Variants in SMIM14 observed in about 807,000 individuals in gnomAD.
SMIM14 encodes the protein small integral membrane protein 14.
SMIM14 carries 5 observed loss-of-function variants against 12.6 expected under a neutral mutation model. The observed-to-expected ratio is 0.40, with a 90% CI of 0.21 to 0.83. The LOEUF is 0.83. SMIM14 is among the 40% of genes least tolerant of loss of function. The pLI is 0.37. For synonymous variants in SMIM14, 30 were observed against 40.1 expected (o/e 0.75, Z 0.95); for missense variants, 86 against 119.1 (o/e 0.72, Z 1.29).
intron 2 of SMIM14, among the ~76,000 whole-genome samples, chr4:39,580,682 A>G (rs1713451394): frequency 6.6e-6 from 1 of 152,004 alleles, no homozygotes; most frequent in Non-Finnish European, 1.5e-5. Flanking sequence ...GTGTGCCACC[A>G]GGCCCAGCTA....
chr4:39,553,458 A>G (rs904242888), intron 4 of SMIM14, among the ~76,000 whole-genome samples: 1 of 152,218 alleles, frequency 6.6e-6, no homozygotes, highest in East Asian at 1.9e-4. Context: ...TAACAAAGCT[A>G]TACAAAGAAA....
At chr4:39,630,060 C>A (rs1383149817) in intron 1 of SMIM14, among the ~76,000 whole-genome samples, 3 of 152,154 alleles carry the variant, frequency 2.0e-5, no homozygotes, top group African/African-American at 7.2e-5. Context: ...CAAGACTTTT[C>A]CTTAATATTT....
intron 3 of SMIM14, among the ~76,000 whole-genome samples, chr4:39,565,634 T>G (rs1432474559): frequency 6.6e-6 from 1 of 152,146 alleles, no homozygotes; most frequent in Non-Finnish European, 1.5e-5. Flanking sequence ...ACTGAAGAGT[T>G]CTGAGCAAAA....
intron 3 of SMIM14, among the ~76,000 whole-genome samples, chr4:39,559,372 G>A (rs1439063605): frequency 1.4e-5 from 2 of 144,164 alleles, no homozygotes; most frequent in Non-Finnish European, 3.0e-5. Flanking sequence ...CTGGGCGAGT[G>A]AGCAAGACCC....
At chr4:39,606,624 A>G (rs1345762152) in intron 1 of SMIM14, among the ~76,000 whole-genome samples, 2 of 134,790 alleles carry the variant, frequency 1.5e-5, no homozygotes, top group African/African-American at 2.7e-5. Flanking sequence ...CTGGCGACAG[A>G]GCAAGACTCC....
At chr4:39,591,157 C>T (rs750443548) in intron 2 of SMIM14, among the ~76,000 whole-genome samples, 2 of 151,952 alleles carry the variant, frequency 1.3e-5, no homozygotes, top group Non-Finnish European at 2.9e-5. Flanking sequence ...ATACAATGTA[C>T]AGGCTATGTA....
intron 2 of SMIM14, chr4:39,593,516 C>T (rs1271383703): frequency 3.9e-5 from 6 of 152,290 alleles, no homozygotes; most frequent in African/African-American, 1.2e-4. Flanking sequence ...CCTTCTCTCA[C>T]CACTCCTATT....
chr4:39,583,736 C>G (rs898572983), intron 2 of SMIM14, among the ~76,000 whole-genome samples: 3 of 152,050 alleles, frequency 2.0e-5, no homozygotes, highest in African/African-American at 7.3e-5. Context: ...TATATGATGG[C>G]ACAGATTTTA....
rs538104298 is a variant in SMIM14 at position 39,557,261 on chromosome 4, C to A, written c.125-691G>T. Reference sequence around the variant, plus strand: ...TCCTGACCTCAGGTGATCCACCTGCCTTGGCCTCCCAAAGGGCTGGGATTA... The same window carrying A: ...TCCTGACCTCAGGTGATCCACCTGCATTGGCCTCCCAAAGGGCTGGGATTA... On this transcript the variant is annotated intron_variant, in intron 3 of 4. Coordinates refer to ENST00000295958, the MANE Select transcript of SMIM14 (RefSeq NM_174921.3). Among the ~76,000 whole-genome samples, 3 of 152,258 alleles carry A rather than the reference C, an allele frequency of 2.0e-5. No homozygotes were observed. In the East Asian group the frequency reaches 5.8e-4, roughly 29 times the overall value.
chr4:39,637,838 T>C (rs1363946670), intron 1 of SMIM14, among the ~76,000 whole-genome samples: 2 of 152,322 alleles, frequency 1.3e-5, no homozygotes, highest in Admixed American at 6.5e-5. Flanking sequence ...AGTTATAATA[T>C]GTACAGCTGC....
rs913935729 is a variant in SMIM14, at chr4:39,546,822, A to C, written c.*5304T>G. Reference sequence around the variant, plus strand: ...AACACTGACGTCAAAATCATGCCAGAGCAGTGTTACTATTTTTACATGTAT... The same window carrying C: ...AACACTGACGTCAAAATCATGCCAGCGCAGTGTTACTATTTTTACATGTAT... On this transcript the variant is annotated 3_prime_UTR_variant, in exon 5 of 5. Transcript: ENST00000295958. 4.6e-5 allele frequency: 7 copies of C among 152,248 alleles called. No homozygotes were observed. The East Asian group carries it at 1.3e-3, about 29-fold the overall frequency. 9.4% of individuals were successfully genotyped at this position (152,248 alleles called of 1,614,324 possible).
chr4:39,638,738 C>A lies in SMIM14; in HGVS notation c.-36+1G>T, dbSNP rs1245814322. 2.0e-6 allele frequency: 2 copies of A among 985,366 alleles called. No individual in the cohort carries two copies. Among genetic ancestry groups the A allele is most frequent in the African/African-American group, 1.7e-5 (1 of 57,228 alleles). 61.0% of individuals were successfully genotyped at this position (985,366 alleles called of 1,614,324 possible). On this transcript the variant is annotated splice_donor_variant, in intron 1 of 4. Transcript: ENST00000295958. LOFTEE classifies it low-confidence loss of function (5UTR_SPLICE). ...CTGGTGGGAGAGGGGGAGACACTCA[C>A]CCGCCCAGACAACAACCGATGGGGC...
At chr4:39,631,001 T>C (rs1007976262) in intron 1 of SMIM14, among the ~76,000 whole-genome samples, 5 of 152,142 alleles carry the variant, frequency 3.3e-5, no homozygotes, top group African/African-American at 9.7e-5. Flanking sequence ...ACATTACCTT[T>C]CCCAAGAGTA....
chr4:39,553,261 C>A (rs1232892569), intron 4 of SMIM14, among the ~76,000 whole-genome samples: 1 of 151,966 alleles, frequency 6.6e-6, no homozygotes, highest in Non-Finnish European at 1.5e-5. Context: ...CAGGGTTTCA[C>A]CATGTTGGTC....
chr4:39,564,819 G>C (rs559723815), intron 3 of SMIM14, among the ~76,000 whole-genome samples: 1 of 152,320 alleles, frequency 6.6e-6, no homozygotes, highest in East Asian at 1.9e-4. Flanking sequence ...ACAAGGAACA[G>C]CGAGAACTCC....
chr4:39,606,724 C>T (rs1455137214), intron 1 of SMIM14, among the ~76,000 whole-genome samples: 1 of 151,812 alleles, frequency 6.6e-6, no homozygotes, highest in African/African-American at 2.4e-5. Context: ...TGAGATGAGC[C>T]CTATCACTGG....
intron 2 of SMIM14, among the ~76,000 whole-genome samples, chr4:39,577,402 C>T (rs540419337): frequency 3.3e-5 from 5 of 150,086 alleles, no homozygotes; most frequent in Middle Eastern, 3.6e-3. Flanking sequence ...TTTTAGCTCA[C>T]TGCTGGGCAG....
intron 3 of SMIM14, among the ~76,000 whole-genome samples, chr4:39,569,289 C>T (rs1348245397): frequency 2.0e-5 from 3 of 152,174 alleles, no homozygotes; most frequent in Non-Finnish European, 4.4e-5. Flanking sequence ...TTAGGCTAGG[C>T]ACTGCACTAG....
chr4:39,608,876 T>C (rs1214373790), intron 1 of SMIM14, among the ~76,000 whole-genome samples: 19 of 152,336 alleles, frequency 1.2e-4, no homozygotes. Context: ...TGACTGCTAA[T>C]GTGTATAGGA....
Sources: allele counts gnomAD v4.1 joint callset (sites outside exome capture counted in the v4.1 genomes callset), GRCh38; gene constraint gnomAD v4.1.1; transcripts MANE v1.5; gene names NCBI Gene and HGNC (gene_info 2026-07-23, HGNC 2026-07-21).